Variants in CLN3 observed in about 807,000 individuals in gnomAD.
CLN3 encodes the protein CLN3 lysosomal/endosomal transmembrane protein, battenin, also known as battenin.
In CLN3, 49 loss-of-function variants were observed where a neutral mutation model predicts 60.7. The observed-to-expected ratio is 0.81, with a 90% CI of 0.64 to 1.02. The LOEUF is 1.02. Ranked by LOEUF, CLN3 falls within the 50% of genes least tolerant of loss-of-function variation. The pLI is 0.00. For missense variants in CLN3, 516 were observed against 557.4 expected, an observed-to-expected ratio of 0.93 and a Z score of 0.75; for synonymous variants, 256 against 245.8, an observed-to-expected ratio of 1.04 and a Z score of -0.39.
chr16:28,491,990 C>G, intron 1 of CLN3, 30 bp downstream of exon 1: 3 of 622,120 alleles, frequency 4.8e-6, no homozygotes, highest in South Asian at 1.9e-5. Flanking sequence ...TCCCCCGCCC[C>G]GTCTACAGCA....
chr16:28,477,131 G>T, downstream of CLN3: 1 of 325,824 alleles, frequency 3.1e-6, no homozygotes, highest in South Asian at 2.6e-5. Flanking sequence ...GTGAGACTCT[G>T]TCAAAACAAA....
chr16:28,483,900 C>T, intron 10 of CLN3, 106 bp downstream of exon 10: 1 of 797,890 alleles, frequency 1.3e-6, no homozygotes, highest in Non-Finnish European at 2.1e-6. Flanking sequence ...TTCCCATAAC[C>T]AGTACACTCA....
chr16:28,486,020 C>CAA (rs1343903681), intron 9 of CLN3, among the ~76,000 whole-genome samples: 1 of 150,626 alleles, frequency 6.6e-6, no homozygotes, highest in Admixed American at 6.6e-5. Flanking sequence ...CTTCCTGAGA[C>CAA]AGAGTCTAAC....
chr16:28,472,166 AT>A, downstream of CLN3, among the ~76,000 whole-genome samples: 2 of 152,240 alleles, frequency 1.3e-5, no homozygotes, highest in Non-Finnish European at 2.9e-5. Context: ...TAATCCCAGT[AT>A]CTCTGGAGGT....
downstream of CLN3, among the ~76,000 whole-genome samples, chr16:28,472,568 C>T (rs537485149): frequency 1.2e-3 from 175 of 151,608 alleles, no homozygotes; most frequent in African/African-American, 3.8e-3. Flanking sequence ...AGGCTGGGCG[C>T]GCTGGTTCAC....
downstream of CLN3, among the ~76,000 whole-genome samples, chr16:28,472,800 CAAAAAAAAAAA>C (rs34795595): frequency 4.7e-5 from 4 of 85,042 alleles, no homozygotes; most frequent in South Asian, 4.9e-4. Flanking sequence ...AACTCTGTTT[CAAAAAAAAAAA>C]AAAAAAAAAA....
rs1322613715 is a variant in CLN3, at chr16:28,482,333, T to C, written c.956A>G (p.Tyr319Cys). 2.2e-5 allele frequency: 35 copies of C among 1,613,476 alleles called. No homozygotes were observed. The highest frequency in any genetic ancestry group is 3.0e-5 in the Non-Finnish European group (35 of 1,179,856). The change falls in exon 13 of 16, where the codon TAC becomes TGC. Residue 319 changes from tyrosine to cysteine, a missense_variant. By Grantham distance (194) the Tyr-to-Cys change is radical (BLOSUM62 -2). Transcript: ENST00000636147. Reference sequence around the variant, plus strand: ...CTGCCCTCGCTCCTCTTACCAGCGGTATTGCTGAGCGTGACTCAGGGAAGT... The same window carrying C: ...CTGCCCTCGCTCCTCTTACCAGCGGCATTGCTGAGCGTGACTCAGGGAAGT... ...WNTSLSHAQQ[Y>C]RWYQMLYQAG...
At position 28,486,599 on chromosome 16, in the gene CLN3, G is replaced by A. The variant is rs1401497994; in HGVS notation, c.512C>T (p.Ser171Phe). 3.7e-6 allele frequency: 6 copies of A among 1,611,410 alleles called. No homozygotes were observed. The highest frequency in any genetic ancestry group is 1.7e-5 in the Admixed American group (1 of 59,658). ...SSGLGEVTFL[S>F]LTAFYPRAVI... The stretch of plus-strand genomic sequence containing the variant: ...TTACCTGGGGTAGAAGGCAGTGAGG[G>A]AGAGGAAGGTGACCTCCCCAAGGCC... The change falls in exon 8 of 16, where the codon TCC (serine) becomes TTC (phenylalanine). Residue 171 changes from serine (S) to phenylalanine (F), a missense_variant. Coordinates refer to ENST00000636147, the MANE Select transcript of CLN3 (RefSeq NM_001042432.2).
At chr16:28,484,511 C>T (rs1365599155) in intron 9 of CLN3, 1 of 238,188 alleles carries the variant, frequency 4.2e-6, no homozygotes, top group East Asian at 1.0e-4. Context: ...ACCAAGCCCG[C>T]CTCATATTTT....
intron 9 of CLN3, chr16:28,484,524 A>C: frequency 4.3e-6 from 1 of 230,688 alleles, no homozygotes; most frequent in East Asian, 1.1e-4. Context: ...CATATTTTCC[A>C]TTTTTTGTAT....
At chr16:28,474,414 A>G (rs1158782654), downstream of CLN3, among the ~76,000 whole-genome samples, 3 of 152,088 alleles carry the variant, frequency 2.0e-5, no homozygotes, top group Admixed American at 2.0e-4. Flanking sequence ...GAGCCGAGAT[A>G]GCACCACTGC....
intron 10 of CLN3, among the ~76,000 whole-genome samples, chr16:28,483,717 T>G (rs1421565337): frequency 1.8e-5 from 1 of 57,016 alleles, no homozygotes; most frequent in East Asian, 3.7e-4. Context: ...TCTTTTCTTT[T>G]TTTTTTTTTT....
Position 28,488,537 on chromosome 16 carries a change from C to T in CLN3, c.294+54G>A, listed in dbSNP as rs917163970. On this transcript the variant is annotated intron_variant, in intron 5 of 15. Coordinates refer to ENST00000636147, the MANE Select transcript of CLN3 (RefSeq NM_001042432.2). ...GGTAGTGAAGGGCTGGGAGTGGGGT[C>T]TATAGACCCAGGGGCCCTGGGTCAG... The T allele has an allele frequency of 7.2e-6, 11 of 1,531,020 alleles. No individual in the cohort carries two copies. The Admixed American group carries it at 1.5e-4, about 21-fold the overall frequency. The allele number at this position is 1,531,020 out of a possible 1,614,324, so 94.8% of individuals were successfully genotyped here. A position where few individuals can be genotyped will look rare whatever the true frequency, so the allele number is the denominator to read the frequency against.
chr16:28,473,143 C>T (rs1436649506), downstream of CLN3, among the ~76,000 whole-genome samples: 3 of 151,818 alleles, frequency 2.0e-5, no homozygotes, highest in African/African-American at 7.3e-5. Context: ...TCATTCCTGT[C>T]ACCCAGGCTG....
downstream of CLN3, among the ~76,000 whole-genome samples, chr16:28,470,830 C>T (rs3869447): frequency 7.3e-6 from 1 of 136,838 alleles, no homozygotes; most frequent in Non-Finnish European, 1.6e-5. Flanking sequence ...ACAGGACACG[C>T]GGGGCAAGGG....
At position 28,482,810 on chromosome 16, in the gene CLN3, A is replaced by C; in HGVS notation, c.791-138T>G. 3 of 907,750 alleles carry C rather than the reference A, an allele frequency of 3.3e-6. No homozygotes were observed. The South Asian group carries it at 4.2e-5, about 13-fold the overall frequency. 56.2% of individuals were successfully genotyped at this position (907,750 alleles called of 1,614,324 possible). On this transcript the variant is annotated intron_variant, in intron 10 of 15. Transcript: ENST00000636147. Reference sequence around the variant, plus strand: ...CATGCCACTGGATTGGACACTTAAAAATGGTTAAAATGGCTGGGCGCAGTG... The same window carrying C: ...CATGCCACTGGATTGGACACTTAAACATGGTTAAAATGGCTGGGCGCAGTG...
At chr16:28,476,352 G>A (rs1435850687), downstream of CLN3, 5 of 150,308 alleles carry the variant, frequency 3.3e-5, no homozygotes, top group South Asian at 2.1e-4. Context: ...AGACCAGCCT[G>A]GGTAACATAG....
At chr16:28,484,354 T>C (rs2046167698) in intron 9 of CLN3, 2 of 519,868 alleles carry the variant, frequency 3.8e-6, no homozygotes, top group East Asian at 6.9e-5. Flanking sequence ...TCATTTTGTT[T>C]TGATTTTTTT....
chr16:28,469,981 A>C (rs866546881), downstream of CLN3, among the ~76,000 whole-genome samples: 12 of 142,438 alleles, frequency 8.4e-5, no homozygotes, highest in East Asian at 2.2e-4. Flanking sequence ...AAAAAAAAAA[A>C]AAAAAAAGTC....
Sources: gnomAD v4.1 joint callset for allele counts (sites outside exome capture counted in the v4.1 genomes callset) on GRCh38, gnomAD v4.1.1 for gene constraint, MANE v1.5 for transcripts, NCBI Gene and HGNC (gene_info 2026-07-23, HGNC 2026-07-21) for gene names.